PRKG1: variants seen among roughly 807,000 people sequenced by gnomAD.
The protein encoded by PRKG1 is protein kinase cGMP-dependent 1.
In PRKG1, 35 loss-of-function variants were observed where a neutral mutation model predicts 88.1. That is an observed-to-expected ratio of 0.40 (90% CI 0.30 to 0.53). PRKG1 has a LOEUF of 0.53. Among genes scored for constraint, PRKG1 ranks in the 20% least tolerant of loss-of-function variants. The pLI, the probability that PRKG1 is intolerant of heterozygous loss-of-function variation, is 0.59. For missense variants in PRKG1, 540 were observed against 839.8 expected (o/e 0.64, Z 4.41); for synonymous variants, 303 against 292.5 (o/e 1.04, Z -0.37).
intron 2 of PRKG1, among the ~76,000 whole-genome samples, chr10:51,278,802 C>A (rs945265239): frequency 6.6e-6 from 1 of 151,926 alleles, no homozygotes; most frequent in African/African-American, 2.4e-5. Context: ...TGGTGATATC[C>A]CCTTTATCAT....
intron 5 of PRKG1, among the ~76,000 whole-genome samples, chr10:52,029,650 G>A (rs947992208): frequency 6.6e-6 from 1 of 152,134 alleles, no homozygotes; most frequent in Non-Finnish European, 1.5e-5. Context: ...GGGATCACTT[G>A]GAGAACTTTA....
chr10:52,245,395 G>A (rs1347900561), intron 9 of PRKG1, among the ~76,000 whole-genome samples: 1 of 152,028 alleles, frequency 6.6e-6, no homozygotes, highest in Non-Finnish European at 1.5e-5. Flanking sequence ...TTCCCAGAAA[G>A]GCTAAGACAT....
intron 9 of PRKG1, among the ~76,000 whole-genome samples, chr10:52,211,289 A>T (rs1839964283): frequency 6.6e-6 from 1 of 152,188 alleles, no homozygotes; most frequent in Non-Finnish European, 1.5e-5. Context: ...GGGAGAGATT[A>T]TATTTTACCC....
chr10:51,651,918 C>A (rs1840049084), intron 3 of PRKG1, among the ~76,000 whole-genome samples: 1 of 152,086 alleles, frequency 6.6e-6, no homozygotes, highest in South Asian at 2.1e-4. Context: ...TGAATGATAG[C>A]ATCATTAACA....
intron 10 of PRKG1, among the ~76,000 whole-genome samples, chr10:52,258,145 C>T (rs1417805991): frequency 7.2e-6 from 1 of 138,688 alleles, no homozygotes; most frequent in East Asian, 2.1e-4. Context: ...TTTTTTCTTA[C>T]AAGTAGTTGA....
intron 2 of PRKG1, among the ~76,000 whole-genome samples, chr10:51,404,578 A>G (rs1837854032): frequency 6.6e-6 from 1 of 152,230 alleles, no homozygotes; most frequent in Non-Finnish European, 1.5e-5. Flanking sequence ...CTTTGGAATC[A>G]AACATACTTG....
At chr10:51,197,148 A>G (rs1837789532) in intron 2 of PRKG1, among the ~76,000 whole-genome samples, 1 of 152,174 alleles carries the variant, frequency 6.6e-6, no homozygotes, top group South Asian at 2.1e-4. Context: ...TGTGGAATGA[A>G]TAGCTGTAAT....
At position 51,374,093 on chromosome 10, in the gene PRKG1, A is replaced by AT. The variant is rs1554801054; in HGVS notation, c.479-93630_479-93629insT. Among the ~76,000 whole-genome samples, 375 of 100,190 alleles carry AT rather than the reference A, an allele frequency of 3.7e-3. 10 individuals are homozygous for AT. Among genetic ancestry groups the AT allele is most frequent in the Admixed American group, 0.01 (105 of 10,160 alleles). The allele number at this position is 100,190 out of a possible 152,430, so 65.7% of individuals were successfully genotyped here. A position where few individuals can be genotyped will look rare whatever the true frequency, so the allele number is the denominator to read the frequency against. On this transcript the variant is annotated intron_variant, in intron 2 of 17. Coordinates refer to ENST00000373980, the MANE Select transcript of PRKG1 (RefSeq NM_006258.4). The stretch of plus-strand genomic sequence containing the variant: ...GCTGGCAGAGGTTGCAAAAAAAAAA[A>AT]ATATATATATATATATATATGTACT...
intron 7 of PRKG1, among the ~76,000 whole-genome samples, chr10:52,081,909 G>A (rs563507593): frequency 6.6e-6 from 1 of 152,188 alleles, no homozygotes; most frequent in African/African-American, 2.4e-5. Context: ...TTGATATTGT[G>A]GATAAACTGA....
chr10:52,191,673 A>G (rs1168419671), intron 9 of PRKG1, among the ~76,000 whole-genome samples: 3 of 152,196 alleles, frequency 2.0e-5, no homozygotes, highest in African/African-American at 7.2e-5. Context: ...ATTATAATAA[A>G]AGGCCAATAG....
At chr10:52,139,551 G>C (rs925126477) in intron 8 of PRKG1, among the ~76,000 whole-genome samples, 1 of 152,100 alleles carries the variant, frequency 6.6e-6, no homozygotes, top group African/African-American at 2.4e-5. Context: ...CATGCTCTGG[G>C]ATAGGAAGAT....
chr10:52,044,895 C>T lies in PRKG1; in HGVS notation c.763-9589C>T, dbSNP rs190034903. On this transcript the variant is annotated intron_variant, in intron 5 of 17. Coordinates refer to ENST00000373980, the MANE Select transcript of PRKG1 (RefSeq NM_006258.4). ...TTTCTGTTCATCCTGGTGACAGTTC[C>T]GTTATTTCCTTTAAGAAGCTTCATC... 2.0e-4 allele frequency among the ~76,000 whole-genome samples: 30 copies of T among 152,176 alleles called. No homozygotes were observed. The East Asian group carries it at 5.2e-3, about 26-fold the overall frequency.
At chr10:51,362,467 A>G (rs1042929968) in intron 2 of PRKG1, among the ~76,000 whole-genome samples, 1 of 151,724 alleles carries the variant, frequency 6.6e-6, no homozygotes, top group Non-Finnish European at 1.5e-5. Context: ...ACATAATGCC[A>G]TAGTATCCTT....
intron 5 of PRKG1, among the ~76,000 whole-genome samples, chr10:52,004,592 T>C (rs1844683487): frequency 1.3e-5 from 2 of 152,298 alleles, no homozygotes; most frequent in South Asian, 4.1e-4. Context: ...TAATTTTCCT[T>C]AAAAATGCAT....
intron 1 of PRKG1, among the ~76,000 whole-genome samples, chr10:51,012,874 G>A (rs1320337927): frequency 1.3e-5 from 2 of 152,194 alleles, no homozygotes; most frequent in African/African-American, 2.4e-5. Context: ...TTCTCAGGTG[G>A]CATTTAAACT....
At chr10:51,242,407 G>T (rs1276060860) in intron 2 of PRKG1, among the ~76,000 whole-genome samples, 1 of 152,054 alleles carries the variant, frequency 6.6e-6, no homozygotes, top group African/African-American at 2.4e-5. Context: ...GATTGGATAG[G>T]GTATAATACT....
At chr10:51,447,766 C>A (rs1839318340) in intron 2 of PRKG1, among the ~76,000 whole-genome samples, 1 of 152,008 alleles carries the variant, frequency 6.6e-6, no homozygotes. Context: ...TCATAACTAA[C>A]CCAGTTCCTT....
chr10:51,620,916 T>C (rs555570932), intron 3 of PRKG1, among the ~76,000 whole-genome samples: 2 of 151,348 alleles, frequency 1.3e-5, no homozygotes, highest in East Asian at 2.0e-4. Flanking sequence ...AGATCAAGGA[T>C]TGGAATCCAC....
At chr10:51,760,035 C>A (rs1245240803) in intron 3 of PRKG1, among the ~76,000 whole-genome samples, 1 of 152,122 alleles carries the variant, frequency 6.6e-6, no homozygotes, top group Non-Finnish European at 1.5e-5. Flanking sequence ...ACTCTATCTG[C>A]CTGGCCAGCC....
Sources: allele counts gnomAD v4.1 joint callset (sites outside exome capture counted in the v4.1 genomes callset), GRCh38; gene constraint gnomAD v4.1.1; transcripts MANE v1.5; gene names NCBI Gene and HGNC (gene_info 2026-07-23, HGNC 2026-07-21).